Variants in ARSG observed in about 807,000 individuals in gnomAD.
The protein encoded by ARSG is arylsulfatase G.
ARSG carries 37 observed loss-of-function variants against 50.5 expected under a neutral mutation model. That is an observed-to-expected ratio of 0.73 (90% CI 0.56 to 0.96). ARSG has a LOEUF of 0.96. ARSG is among the 50% of genes least tolerant of loss of function. The pLI, the probability that ARSG is intolerant of heterozygous loss-of-function variation, is 0.00. For missense variants in ARSG, 629 were observed against 675.3 expected (o/e 0.93, Z 0.76); for synonymous variants, 225 against 254.6 (o/e 0.88, Z 1.11).
intron 3 of ARSG, chr17:68,346,671 T>G: frequency 1.0e-5 from 12 of 1,160,022 alleles, no homozygotes; most frequent in Non-Finnish European, 1.3e-5. Context: ...GGGCTGCTGA[T>G]GTTGGCCAGA....
At chr17:68,269,887 G>A (rs556050482) in intron 1 of ARSG, among the ~76,000 whole-genome samples, 1 of 152,046 alleles carries the variant, frequency 6.6e-6, no homozygotes, top group African/African-American at 2.4e-5. Context: ...TGGCCAGGCT[G>A]GTCTGGAACT....
rs2081180045 is a variant in ARSG at position 68,395,110 on chromosome 17, C to G, written c.1129C>G (p.Gln377Glu). 3.1e-6 allele frequency: 5 copies of G among 1,614,006 alleles called. No homozygotes were observed. The Admixed American group carries it at 8.3e-5, about 27-fold the overall frequency. Residue 377 changes from glutamine (Q) to glutamate (E), a missense_variant, in exon 10 of 12, where the codon CAG (glutamine) becomes GAG (glutamate). By Grantham distance (29) the Gln-to-Glu change is conservative. Transcript: ENST00000621439. ...TTTTCCAACTGTGGTAGCCCTGGCCCAGGCCAGCTTACCTCAAGGACGGCG... is the reference window on the plus strand; with the variant it reads ...TTTTCCAACTGTGGTAGCCCTGGCCGAGGCCAGCTTACCTCAAGGACGGCG... ...DIFPTVVALAQASLPQGRRFD... is the reference protein window; with the variant it reads ...DIFPTVVALAEASLPQGRRFD...
chr17:68,436,460 G>C, the ARSG span: 8 of 1,613,960 alleles, frequency 5.0e-6, no homozygotes, highest in Non-Finnish European at 6.8e-6. Flanking sequence ...TGGAATGGTT[G>C]ATAGAGAGAG....
At chr17:68,260,322 T>C (rs2075053095) in intron 1 of ARSG, among the ~76,000 whole-genome samples, 1 of 152,140 alleles carries the variant, frequency 6.6e-6, no homozygotes, top group Non-Finnish European at 1.5e-5. Context: ...TGAAGTAAAA[T>C]ATCACCAACC....
At chr17:68,433,760 G>GGTTTTTTTTTTTTT in the ARSG span, among the ~76,000 whole-genome samples, 1 of 72,814 alleles carries the variant, frequency 1.4e-5, no homozygotes, top group African/African-American at 6.6e-5. Flanking sequence ...AAGGGTCATA[G>GGTTTTTTTTTTTTT]TTTTTTTTTT....
chr17:68,270,944 G>A, intron 1 of ARSG: 1 of 1,614,214 alleles, frequency 6.2e-7, no homozygotes, highest in Non-Finnish European at 8.5e-7. Context: ...TCAGCAAGCA[G>A]TGGAATGTGA....
Position 68,420,265 on chromosome 17 carries a change from C to G in ARSG, c.1380C>G (p.Asp460Glu). 6.2e-7 allele frequency: 1 copy of G among 1,614,092 alleles called. No individual in the cohort carries two copies. The highest frequency in any genetic ancestry group is 8.5e-7 in the Non-Finnish European group (1 of 1,180,032). The change falls in exon 12 of 12, where the codon GAC (aspartate) becomes GAG (glutamate). Residue 460 changes from aspartate (D) to glutamate (E), a missense_variant. Transcript: ENST00000621439. ...HKFPLIFNLE[D>E]DTAEAVPLER... ...TTCCTCTGATTTTCAACCTGGAAGA[C>G]GATACCGCAGAAGCTGTGCCCCTAG...
intron 6 of ARSG, 44 bp from the exon 7 acceptor site, chr17:68,368,504 A>T: frequency 6.3e-7 from 1 of 1,588,526 alleles, no homozygotes. Flanking sequence ...CAGATGAGCC[A>T]GGAGAGCCTT....
chr17:68,279,304 G>A (rs782820999), intron 1 of ARSG, among the ~76,000 whole-genome samples: 12 of 151,794 alleles, frequency 7.9e-5, no homozygotes, highest in Non-Finnish European at 1.5e-4. Flanking sequence ...CCTGGCCACC[G>A]CGATCACCTA....
chr17:68,413,921 T>C (rs1474725973), intron 11 of ARSG: 1 of 152,686 alleles, frequency 6.5e-6, no homozygotes, highest in Non-Finnish European at 1.5e-5. Flanking sequence ...GAAAGGGAAC[T>C]CCCTGACCCC....
At chr17:68,387,651 C>T (rs2080793488) in intron 9 of ARSG, among the ~76,000 whole-genome samples, 1 of 152,182 alleles carries the variant, frequency 6.6e-6, no homozygotes, top group African/African-American at 2.4e-5. Context: ...GACATTGATG[C>T]TAATGCTTCA....
intron 4 of ARSG, 73 bp downstream of exon 4, chr17:68,347,245 G>A (rs867668253): frequency 6.5e-7 from 1 of 1,527,638 alleles, no homozygotes; most frequent in African/African-American, 1.4e-5. Flanking sequence ...TCCATGAACA[G>A]CTAAGCCATC....
intron 1 of ARSG, among the ~76,000 whole-genome samples, chr17:68,283,606 A>T (rs1489495667): frequency 6.6e-6 from 1 of 151,926 alleles, no homozygotes; most frequent in Non-Finnish European, 1.5e-5. Context: ...GGATCACCTG[A>T]GGTTGGGAGT....
intron 2 of ARSG, among the ~76,000 whole-genome samples, chr17:68,339,660 A>G (rs956783024): frequency 6.6e-6 from 1 of 152,172 alleles, no homozygotes; most frequent in African/African-American, 2.4e-5. Context: ...TTGTGGTGTC[A>G]TTTAATTTGT....
intron 3 of ARSG, 104 bp downstream of exon 3, chr17:68,343,895 G>A: frequency 1.6e-6 from 2 of 1,216,032 alleles, no homozygotes; most frequent in Non-Finnish European, 2.3e-6. Flanking sequence ...TTCATGTCTT[G>A]CTGTGTGAGT....
At chr17:68,260,140 G>A (rs2075050175) in intron 1 of ARSG, among the ~76,000 whole-genome samples, 1 of 152,154 alleles carries the variant, frequency 6.6e-6, no homozygotes, top group Non-Finnish European at 1.5e-5. Flanking sequence ...AAGCAGAGTC[G>A]TAAAGCATTA....
At chr17:68,433,167 T>C in the ARSG span, among the ~76,000 whole-genome samples, 12,679 of 152,326 alleles carry the variant, frequency 0.083, 687 homozygotes, top group South Asian at 0.21. Flanking sequence ...TTAATACTAC[T>C]GTTATGTTCA....
At chr17:68,309,107 G>A (rs1220960212) in intron 2 of ARSG, among the ~76,000 whole-genome samples, 1 of 152,236 alleles carries the variant, frequency 6.6e-6, no homozygotes, top group Non-Finnish European at 1.5e-5. Context: ...CTGGTGGGCT[G>A]GCCCTGCTGA....
At chr17:68,349,457 A>T (rs947167284) in intron 4 of ARSG, among the ~76,000 whole-genome samples, 2 of 152,226 alleles carry the variant, frequency 1.3e-5, no homozygotes, top group Non-Finnish European at 2.9e-5. Flanking sequence ...TTCCGGCAGA[A>T]GTTTGCTCTC....
Sources: gnomAD v4.1 joint callset for allele counts (sites outside exome capture counted in the v4.1 genomes callset) on GRCh38, gnomAD v4.1.1 for gene constraint, MANE v1.5 for transcripts, NCBI Gene and HGNC (gene_info 2026-07-23, HGNC 2026-07-21) for gene names.